Variants in GRM5 observed in about 807,000 individuals in gnomAD.
GRM5 encodes glutamate metabotropic receptor 5.
GRM5 carries 19 observed loss-of-function variants against 83.1 expected under a neutral mutation model. The ratio of observed to expected loss-of-function variants is 0.23; its 90% confidence interval spans 0.16 to 0.34. The LOEUF is 0.34. Among genes scored for constraint, GRM5 ranks in the 10% least tolerant of loss-of-function variants. The pLI, the probability that GRM5 is intolerant of heterozygous loss-of-function variation, is 1.00. For synonymous variants in GRM5, 675 were observed against 633.6 expected (o/e 1.07, Z -0.98); for missense variants, 1,160 against 1,588.3 (o/e 0.73, Z 4.58).
chr11:88,996,328 G>C (rs1052256232), intron 2 of GRM5, among the ~76,000 whole-genome samples: 1 of 152,290 alleles, frequency 6.6e-6, no homozygotes, highest in East Asian at 1.9e-4. Flanking sequence ...AGAAGAAATG[G>C]TATTTGGTGT....
chr11:88,734,304 C>T (rs1175251974), intron 3 of GRM5, among the ~76,000 whole-genome samples: 1 of 152,008 alleles, frequency 6.6e-6, no homozygotes, highest in East Asian at 1.9e-4. Context: ...CATCTCACAC[C>T]TGTTATTATT....
intron 6 of GRM5, among the ~76,000 whole-genome samples, chr11:88,591,655 A>G (rs1045950231): frequency 6.6e-6 from 1 of 152,238 alleles, no homozygotes; most frequent in African/African-American, 2.4e-5. Context: ...TGATAATAAC[A>G]TCAGCTAGAT....
intron 2 of GRM5, among the ~76,000 whole-genome samples, chr11:88,887,275 T>C (rs1590939854): frequency 6.6e-6 from 1 of 152,326 alleles, no homozygotes; most frequent in Non-Finnish European, 1.5e-5. Context: ...ACTTAATTAG[T>C]AAGGGGATTT....
chr11:88,796,911 T>TACAC (rs1565235082), intron 3 of GRM5, among the ~76,000 whole-genome samples: 3 of 116,110 alleles, frequency 2.6e-5, no homozygotes, highest in Non-Finnish European at 4.8e-5. Context: ...TGTGTGTGTG[T>TACAC]GTGTGTGTGT....
chr11:88,763,115 C>T (rs1025069962), intron 3 of GRM5, among the ~76,000 whole-genome samples: 1 of 151,744 alleles, frequency 6.6e-6, no homozygotes, highest in African/African-American at 2.4e-5. Flanking sequence ...TACAACAAAC[C>T]CCCATGACAC....
chr11:88,612,228 T>G (rs1938340312), intron 4 of GRM5, among the ~76,000 whole-genome samples: 1 of 148,392 alleles, frequency 6.7e-6, no homozygotes, highest in East Asian at 2.0e-4. Flanking sequence ...TTTGGTTTTT[T>G]GTTCCTGCGA....
At chr11:88,834,582 G>A (rs192377577) in intron 3 of GRM5, among the ~76,000 whole-genome samples, 1 of 138,532 alleles carries the variant, frequency 7.2e-6, no homozygotes, top group African/African-American at 3.0e-5. Flanking sequence ...TAAAACCTAC[G>A]AAGGCTTCCT....
chr11:88,898,759 C>T (rs764809440), intron 2 of GRM5, among the ~76,000 whole-genome samples: 5 of 151,880 alleles, frequency 3.3e-5, no homozygotes, highest in Admixed American at 1.3e-4. Flanking sequence ...TCTTTCCATT[C>T]GTTACATTAT....
chr11:88,998,016 CA>C (rs150943812), intron 2 of GRM5, among the ~76,000 whole-genome samples: 8 of 135,668 alleles, frequency 5.9e-5, no homozygotes, highest in Middle Eastern at 3.8e-3. Context: ...AAACTAATAA[CA>C]AAAAAAAATG....
At chr11:88,731,918 G>A (rs1941816336) in intron 3 of GRM5, among the ~76,000 whole-genome samples, 5 of 152,044 alleles carry the variant, frequency 3.3e-5, no homozygotes, top group Admixed American at 3.3e-4. Context: ...TGCAGGCTGA[G>A]CTGACCTAAG....
chr11:88,722,501 C>T (rs533960155), intron 3 of GRM5, among the ~76,000 whole-genome samples: 2 of 152,116 alleles, frequency 1.3e-5, no homozygotes, highest in Admixed American at 6.6e-5. Context: ...CCATAACATG[C>T]AGAAATCTCA....
At chr11:88,847,197 A>G (rs936240403) in intron 3 of GRM5, among the ~76,000 whole-genome samples, 1 of 152,226 alleles carries the variant, frequency 6.6e-6, no homozygotes, top group African/African-American at 2.4e-5. Flanking sequence ...AAAATAGAAT[A>G]GTACTTAATA....
chr11:88,927,862 T>C (rs781754037), intron 2 of GRM5, among the ~76,000 whole-genome samples: 1 of 152,170 alleles, frequency 6.6e-6, no homozygotes, highest in Admixed American at 6.6e-5. Context: ...AAGCCATTAA[T>C]ACATGCACGT....
At chr11:88,833,027 G>C (rs1944023399) in intron 3 of GRM5, among the ~76,000 whole-genome samples, 1 of 151,808 alleles carries the variant, frequency 6.6e-6, no homozygotes, top group South Asian at 2.1e-4. Context: ...AAAACATAGA[G>C]GAAACACTTG....
In GRM5 at chr11:88,509,355, C is replaced by T; in HGVS notation, c.2876G>A (p.Arg959His). The change falls in exon 10 of 10, where the codon CGT (arginine) becomes CAT (histidine). Residue 959 changes from arginine (R) to histidine (H), a missense_variant. Transcript: ENST00000305447. ...IKPFPKSTESRGLGAGAGAGG... is the reference protein window; with the variant it reads ...IKPFPKSTESHGLGAGAGAGG... ...TGCGCCAGCGCCAGCGCCCAGGCCA[C>T]GGCTCTCCGTGCTCTTGGGGAAGGG... The T allele has an allele frequency of 1.2e-6, 2 of 1,610,614 alleles. No individual in the cohort carries two copies. Among genetic ancestry groups the T allele is most frequent in the South Asian group, 1.1e-5 (1 of 90,842 alleles).
At chr11:89,024,841 A>G (rs1941090009) in intron 2 of GRM5, among the ~76,000 whole-genome samples, 1 of 152,228 alleles carries the variant, frequency 6.6e-6, no homozygotes, top group Admixed American at 6.5e-5. Flanking sequence ...ACCTTGGCCC[A>G]GAATTGCTTC....
chr11:88,529,869 A>G (rs551064170), intron 8 of GRM5, among the ~76,000 whole-genome samples: 1 of 152,040 alleles, frequency 6.6e-6, no homozygotes, highest in Non-Finnish European at 1.5e-5. Flanking sequence ...TGGATGGTGC[A>G]GTTAACTGAG....
At chr11:88,888,770 C>T (rs1018867179) in intron 2 of GRM5, among the ~76,000 whole-genome samples, 8 of 152,136 alleles carry the variant, frequency 5.3e-5, no homozygotes, top group African/African-American at 1.7e-4. Context: ...TGTAGACAAT[C>T]TGGTGTGCTT....
At chr11:88,924,670 A>C (rs1156828335) in intron 2 of GRM5, among the ~76,000 whole-genome samples, 1 of 152,032 alleles carries the variant, frequency 6.6e-6, no homozygotes, top group Admixed American at 6.6e-5. Flanking sequence ...AAATGGGGAG[A>C]TGTAAGTCAA....
Sources: allele counts gnomAD v4.1 joint callset (sites outside exome capture counted in the v4.1 genomes callset), GRCh38; gene constraint gnomAD v4.1.1; transcripts MANE v1.5; gene names NCBI Gene and HGNC (gene_info 2026-07-23, HGNC 2026-07-21).